Variants in EPS15L1 observed in about 807,000 individuals in gnomAD.
EPS15L1 encodes the protein epidermal growth factor receptor substrate 15-like 1.
EPS15L1 carries 43 observed loss-of-function variants against 117.1 expected under a neutral mutation model. That is an observed-to-expected ratio of 0.37 (90% CI 0.29 to 0.47). The LOEUF is 0.47. Among genes scored for constraint, EPS15L1 ranks in the 20% least tolerant of loss-of-function variants. The probability of loss-of-function intolerance (pLI) is 0.99; values close to 1 mark genes in which losing one functional copy is unlikely to be tolerated. For missense variants in EPS15L1, 981 were observed against 1,164.0 expected, an observed-to-expected ratio of 0.84 and a Z score of 2.29; for synonymous variants, 459 against 470.5, an observed-to-expected ratio of 0.98 and a Z score of 0.32.
intron 16 of EPS15L1, chr19:16,401,705 G>C (rs2144823614): frequency 2.0e-6 from 2 of 985,474 alleles, no homozygotes; most frequent in African/African-American, 1.7e-5. Flanking sequence ...AATGTAAGGG[G>C]CCGACAGTCC....
intron 22 of EPS15L1, among the ~76,000 whole-genome samples, chr19:16,362,512 T>C (rs1217416740): frequency 2.4e-5 from 2 of 83,958 alleles, no homozygotes; most frequent in Admixed American, 2.2e-4. Flanking sequence ...GTTTAAGTTC[T>C]TTTTTTTTTT....
At chr19:16,468,733 C>A (rs965978960) in intron 1 of EPS15L1, among the ~76,000 whole-genome samples, 1 of 152,136 alleles carries the variant, frequency 6.6e-6, no homozygotes, top group Non-Finnish European at 1.5e-5. Context: ...TGAATCCTAG[C>A]CAGATGCAGT....
intron 9 of EPS15L1, 143 bp downstream of exon 9, chr19:16,424,940 C>A (rs796704355): frequency 1.0e-5 from 8 of 772,246 alleles, no homozygotes; most frequent in African/African-American, 1.0e-4. Flanking sequence ...GGATTACAGG[C>A]GTGAGCCACC....
intron 13 of EPS15L1, 45 bp downstream of exon 13, chr19:16,413,728 C>T (rs2092729714): frequency 1.9e-6 from 3 of 1,542,422 alleles, no homozygotes; most frequent in Admixed American, 1.7e-5. Flanking sequence ...TCCTGAACTA[C>T]ATTTAGCACA....
At chr19:16,426,728 G>A (rs184158117) in intron 8 of EPS15L1, among the ~76,000 whole-genome samples, 2,095 of 152,250 alleles carry the variant, frequency 0.014, 21 homozygotes, top group Non-Finnish European at 0.02. Flanking sequence ...CCCAGGAAAC[G>A]AAAGACAAAA....
intron 1 of EPS15L1, among the ~76,000 whole-genome samples, chr19:16,465,805 C>T (rs555302989): frequency 6.6e-6 from 1 of 152,024 alleles, no homozygotes; most frequent in African/African-American, 2.4e-5. Flanking sequence ...GGTATAAAAA[C>T]AAATGAGGTT....
In EPS15L1 at chr19:16,386,154, T is replaced by C. The variant is rs776302300; in HGVS notation, c.2164+17A>G. 2 of 1,597,418 alleles carry C rather than the reference T, an allele frequency of 1.3e-6. No homozygotes were observed. The highest frequency in any genetic ancestry group is 1.7e-6 in the Non-Finnish European group (2 of 1,165,766). ...CCCAAGGAATAGTCAGGAAGAAAAA[T>C]AAGTCATGGGTCTCACCTGATCCTT... On this transcript the variant is annotated intron_variant, in intron 20 of 23. Coordinates refer to ENST00000455140, the MANE Select transcript of EPS15L1 (RefSeq NM_001258374.3).
intron 22 of EPS15L1, among the ~76,000 whole-genome samples, chr19:16,367,520 A>AC (rs1225450330): frequency 8.7e-5 from 13 of 149,436 alleles, no homozygotes; most frequent in East Asian, 3.9e-4. Context: ...AAAAAAAAAA[A>AC]AAAAAACTTG....
intron 22 of EPS15L1, among the ~76,000 whole-genome samples, chr19:16,376,681 A>G (rs978024634): frequency 6.6e-6 from 1 of 152,092 alleles, no homozygotes; most frequent in African/African-American, 2.4e-5. Flanking sequence ...TGCCACCCTC[A>G]CCCCCAACAG....
intron 23 of EPS15L1, 119 bp downstream of exon 23, chr19:16,361,660 T>G: frequency 2.1e-6 from 3 of 1,430,008 alleles, no homozygotes; most frequent in East Asian, 2.6e-5. Flanking sequence ...GGACAGAGAG[T>G]GTGAGGTACC....
intron 23 of EPS15L1, among the ~76,000 whole-genome samples, chr19:16,359,060 G>A (rs984754490): frequency 2.0e-5 from 3 of 152,166 alleles, no homozygotes; most frequent in Admixed American, 6.5e-5. Context: ...GAGAGGCACC[G>A]CCGGGGCACC....
At chr19:16,455,801 TCGCCCTCC>T (rs1259781403) in intron 1 of EPS15L1, among the ~76,000 whole-genome samples, 2 of 152,142 alleles carry the variant, frequency 1.3e-5, no homozygotes, top group Non-Finnish European at 2.9e-5. Context: ...ATCCTCCTCA[TCGCCCTCC>T]TTCCACTGGC....
chr19:16,450,033 G>A (rs2093124687), intron 1 of EPS15L1, among the ~76,000 whole-genome samples: 1 of 151,394 alleles, frequency 6.6e-6, no homozygotes, highest in South Asian at 2.1e-4. Context: ...CTATAAAAGG[G>A]CAACAGGAGG....
chr19:16,418,135 A>G, intron 10 of EPS15L1, 31 bp from the exon 11 acceptor site: 1 of 1,594,648 alleles, frequency 6.3e-7, no homozygotes, highest in Admixed American at 1.7e-5. Context: ...CTAATTACAC[A>G]TCACAGGCGC....
chr19:16,426,571 G>A (rs536339780), intron 8 of EPS15L1, among the ~76,000 whole-genome samples: 2 of 152,268 alleles, frequency 1.3e-5, no homozygotes, highest in South Asian at 4.1e-4. Context: ...TCCAGGAGGT[G>A]GAGGATGCAG....
chr19:16,376,491 A>G (rs568284656), intron 22 of EPS15L1, among the ~76,000 whole-genome samples: 1 of 152,308 alleles, frequency 6.6e-6, no homozygotes, highest in South Asian at 2.1e-4. Flanking sequence ...GAAGAGGGGC[A>G]GGGCCTGTAG....
intron 1 of EPS15L1, among the ~76,000 whole-genome samples, chr19:16,454,528 A>G (rs1000840129): frequency 6.6e-6 from 1 of 152,208 alleles, no homozygotes; most frequent in Non-Finnish European, 1.5e-5. Context: ...GAAAAGCAGG[A>G]TCTGAAGGAA....
chr19:16,465,974 C>T (rs113324840), intron 1 of EPS15L1, among the ~76,000 whole-genome samples: 8 of 151,526 alleles, frequency 5.3e-5, no homozygotes, highest in African/African-American at 1.9e-4. Flanking sequence ...AATCTCTGGC[C>T]TCACTTTATC....
chr19:16,375,726 A>T lies in EPS15L1; in HGVS notation c.2380+1396T>A, dbSNP rs558825273. Among the ~76,000 whole-genome samples the T allele has an allele frequency of 1.1e-3, 167 of 152,318 alleles. 1 individual carries two copies. Among genetic ancestry groups the T allele is most frequent in the African/African-American group, 3.8e-3 (158 of 41,556 alleles). The stretch of plus-strand genomic sequence containing the variant: ...TGTATCTGCTCAACAGTTCACAGAA[A>T]ATCTGCTCTAAATCCACACAGCCCA... On this transcript the variant is annotated intron_variant, in intron 22 of 23. Transcript: ENST00000455140.
Sources: gnomAD v4.1 joint callset for allele counts (sites outside exome capture counted in the v4.1 genomes callset) on GRCh38, gnomAD v4.1.1 for gene constraint, MANE v1.5 for transcripts, NCBI Gene and HGNC (gene_info 2026-07-23, HGNC 2026-07-21) for gene names.